Variants in ZNF736 observed in about 807,000 individuals in gnomAD.
ZNF736 encodes the protein zinc finger protein 736, also known as KRAB-containing zinc-finger repressor protein.
In ZNF736, 6 loss-of-function variants were observed where a neutral mutation model predicts 11.7. That is an observed-to-expected ratio of 0.51 (90% CI 0.28 to 1.01). The LOEUF is 1.01. Ranked by LOEUF, ZNF736 falls within the 50% of genes least tolerant of loss-of-function variation. ZNF736 has a pLI of 0.09. For missense variants in ZNF736, 444 were observed against 496.0 expected (o/e 0.90, Z 1.00); for synonymous variants, 139 against 164.7 (o/e 0.84, Z 1.19).
Position 64,354,212 on chromosome 7 carries a change from A to G in ZNF736, c.*5065A>G, listed in dbSNP as rs567912605. Reference sequence around the variant, plus strand: ...ACAACTATTTATAAAATTTTATCCTACTTTTTTCTGTTGAACATATGACTT... The same window carrying G: ...ACAACTATTTATAAAATTTTATCCTGCTTTTTTCTGTTGAACATATGACTT... On this transcript the variant is annotated 3_prime_UTR_variant, in exon 4 of 4. Transcript: ENST00000423484. 4 of 152,300 alleles carry G rather than the reference A, an allele frequency of 2.6e-5. No individual in the cohort carries two copies. The East Asian group carries it at 5.8e-4, about 22-fold the overall frequency. 9.4% of individuals were successfully genotyped at this position (152,300 alleles called of 1,614,324 possible).
At chr7:64,346,751 C>CT (rs1248255970) in intron 3 of ZNF736, among the ~76,000 whole-genome samples, 1 of 151,718 alleles carries the variant, frequency 6.6e-6, no homozygotes, top group Non-Finnish European at 1.5e-5. Context: ...GCATATTAGT[C>CT]TTTTTTTGTA....
chr7:64,339,593 T>C (rs1789308230), intron 3 of ZNF736, among the ~76,000 whole-genome samples: 1 of 152,190 alleles, frequency 6.6e-6, no homozygotes, highest in South Asian at 2.1e-4. Context: ...TGAGTTGATC[T>C]TACAAGGATG....
chr7:64,333,774 C>T (rs1208532855), intron 1 of ZNF736, among the ~76,000 whole-genome samples: 9 of 151,998 alleles, frequency 5.9e-5, no homozygotes, highest in African/African-American at 9.7e-5. Flanking sequence ...TGATTTTCTT[C>T]GCAGAATTAG....
Position 64,354,873 on chromosome 7 carries a change from T to G in ZNF736, c.*5726T>G, listed in dbSNP as rs1054014846. On this transcript the variant is annotated 3_prime_UTR_variant, in exon 4 of 4. Coordinates refer to ENST00000423484, the MANE Select transcript of ZNF736 (RefSeq NM_001170905.3). ...CAATTTAAGTAAACAGTTGAACGTT[T>G]CATAAGTCATGAGGTCTTTTTGGCA... 1 of 152,240 alleles carries G rather than the reference T, an allele frequency of 6.6e-6. No individual in the cohort carries two copies. The highest frequency in any genetic ancestry group is 2.4e-5 in the African/African-American group (1 of 41,472). 9.4% of individuals were successfully genotyped at this position (152,240 alleles called of 1,614,324 possible). A position where few individuals can be genotyped will look rare whatever the true frequency, so the allele number is the denominator to read the frequency against.
chr7:64,337,392 T>G, intron 3 of ZNF736: 1 of 175,214 alleles, frequency 5.7e-6, no homozygotes, highest in South Asian at 1.3e-4. Flanking sequence ...TCTAAATATT[T>G]AAGTTTTGGT....
At chr7:64,337,756 G>GTGTT (rs1789277830) in intron 3 of ZNF736, among the ~76,000 whole-genome samples, 2 of 112,508 alleles carry the variant, frequency 1.8e-5, no homozygotes, top group Non-Finnish European at 3.4e-5. Flanking sequence ...GTTTTTTTTG[G>GTGTT]TTTTTTTTTT....
At chr7:64,317,709 A>G (rs754015778) in intron 1 of ZNF736, among the ~76,000 whole-genome samples, 2 of 152,134 alleles carry the variant, frequency 1.3e-5, no homozygotes, top group African/African-American at 2.4e-5. Context: ...GATGTATTCA[A>G]TCTCAATCAG....
At chr7:64,322,604 G>A (rs542706003) in intron 1 of ZNF736, among the ~76,000 whole-genome samples, 7 of 152,100 alleles carry the variant, frequency 4.6e-5, no homozygotes, top group East Asian at 3.9e-4. Context: ...AAGAAAGTTC[G>A]CTTTAAAAAG....
chr7:64,322,731 G>A (rs1160489524), intron 1 of ZNF736, among the ~76,000 whole-genome samples: 3 of 152,206 alleles, frequency 2.0e-5, no homozygotes, highest in South Asian at 2.1e-4. Flanking sequence ...TTATCGTTGA[G>A]TATATTAAGA....
rs1789531199 is a variant in ZNF736 at position 64,354,639 on chromosome 7, G to C, written c.*5492G>C. The stretch of plus-strand genomic sequence containing the variant: ...AAACATTCTTTGTATAATCACCTCA[G>C]AGATTATGAAAGTGACTTTGATAAA... On this transcript the variant is annotated 3_prime_UTR_variant, in exon 4 of 4. Coordinates refer to ENST00000423484, the MANE Select transcript of ZNF736 (RefSeq NM_001170905.3). 6.6e-6 allele frequency: 1 copy of C among 152,078 alleles called. No individual in the cohort carries two copies. Among genetic ancestry groups the C allele is most frequent in the Admixed American group, 6.5e-5 (1 of 15,272 alleles). The allele number at this position is 152,078 out of a possible 1,614,324, so 9.4% of individuals were successfully genotyped here.
Position 64,323,876 on chromosome 7 carries a change from G to A in ZNF736, c.3+9723G>A, listed in dbSNP as rs561461996. On this transcript the variant is annotated intron_variant, in intron 1 of 3. Coordinates refer to ENST00000423484, the MANE Select transcript of ZNF736 (RefSeq NM_001170905.3). ...CCTGCACATCCTGCATATGTACCCC[G>A]GAACTTAAAAGTTGATTTTTTTAAA... Among the ~76,000 whole-genome samples, 141 of 152,052 alleles carry A rather than the reference G, an allele frequency of 9.3e-4. 1 individual carries two copies. The South Asian group carries it at 0.014, about 15-fold the overall frequency.
Position 64,348,618 on chromosome 7 carries a change from C to T in ZNF736, c.755C>T (p.Thr252Ile). 4 of 1,603,294 alleles carry T rather than the reference C, an allele frequency of 2.5e-6. No homozygotes were observed. The highest frequency in any genetic ancestry group is 1.1e-5 in the South Asian group (1 of 89,968). ...CTTGTTAAACACAAGAGAAATCATA[C>T]TGGAGACAGACCCTACAAATGTGAA... Reference protein sequence around the residue: ...STLVKHKRNHTGDRPYKCEEC... With the variant: ...STLVKHKRNHIGDRPYKCEEC... The change falls in exon 4 of 4, where the codon ACT (threonine) becomes ATT (isoleucine). Residue 252 changes from threonine to isoleucine, a missense_variant. Coordinates refer to ENST00000423484, the MANE Select transcript of ZNF736 (RefSeq NM_001170905.3).
At chr7:64,340,205 A>G (rs688262) in intron 3 of ZNF736, among the ~76,000 whole-genome samples, 148,550 of 152,306 alleles carry the variant, frequency 0.98, 72,521 homozygotes, top group Non-Finnish European at 1. Flanking sequence ...TGAGTACTTA[A>G]GTTGGCAGAA....
intron 1 of ZNF736, among the ~76,000 whole-genome samples, chr7:64,330,373 G>C (rs891972377): frequency 2.0e-5 from 3 of 151,994 alleles, no homozygotes; most frequent in African/African-American, 7.2e-5. Flanking sequence ...TAGCCAGGAT[G>C]GTCTCCATCT....
chr7:64,350,895 C>T lies in ZNF736; in HGVS notation c.*1748C>T, dbSNP rs1056123110. The T allele has an allele frequency of 1.3e-5, 2 of 152,230 alleles. No individual in the cohort carries two copies. Among genetic ancestry groups the T allele is most frequent in the Admixed American group, 1.3e-4 (2 of 15,258 alleles). The allele number at this position is 152,230 out of a possible 1,614,324, so 9.4% of individuals were successfully genotyped here. A position where few individuals can be genotyped will look rare whatever the true frequency, so the allele number is the denominator to read the frequency against. On this transcript the variant is annotated 3_prime_UTR_variant, in exon 4 of 4. Coordinates refer to ENST00000423484, the MANE Select transcript of ZNF736 (RefSeq NM_001170905.3). ...TTGTTTTGAGCCCCAACTGTGTTCT[C>T]TGGCTCCTTGAGATTTGGAGTTTGC...
chr7:64,319,317 G>GTA (rs200537414), intron 1 of ZNF736, among the ~76,000 whole-genome samples: 8,303 of 100,874 alleles, frequency 0.082, 573 homozygotes, highest in African/African-American at 0.18. Flanking sequence ...GTATATGTAT[G>GTA]TGTGTGTGTG....
rs1443261870 is a variant in ZNF736, at chr7:64,356,613, A to G, written c.*7466A>G. 9.2e-5 allele frequency among the ~76,000 whole-genome samples: 14 copies of G among 152,162 alleles called. 1 individual carries two copies. The highest frequency in any genetic ancestry group is 7.9e-4 in the Admixed American group (12 of 15,278). ...ATTTAAGAAATCTAATTACATTTTA[A>G]ATAAATTGCTGTTACCTGTTAGTAT... is the stretch of plus-strand genomic sequence containing the variant. On this transcript the variant is annotated 3_prime_UTR_variant, in exon 4 of 4. Transcript: ENST00000423484.
intron 3 of ZNF736, chr7:64,337,383 C>G (rs1269007925): frequency 5.6e-6 from 1 of 177,622 alleles, no homozygotes; most frequent in Non-Finnish European, 1.2e-5. Context: ...TGGATAATGT[C>G]TAAATATTTA....
At chr7:64,337,141 T>C (rs141482467) in intron 3 of ZNF736, 159 bp downstream of exon 3, 27,356 of 665,636 alleles carry the variant, frequency 0.041, 1,094 homozygotes, top group East Asian at 0.17. Flanking sequence ...GGACATTTTT[T>C]GTCCCATTCT....
Sources: gnomAD v4.1 joint callset for allele counts (sites outside exome capture counted in the v4.1 genomes callset) on GRCh38, gnomAD v4.1.1 for gene constraint, MANE v1.5 for transcripts, NCBI Gene and HGNC (gene_info 2026-07-23, HGNC 2026-07-21) for gene names.